ANKRD30BL: variants seen among roughly 807,000 people sequenced by gnomAD.
ANKRD30BL encodes ankyrin repeat domain 30B like.
A neutral mutation model predicts 18.4 loss-of-function variants in ANKRD30BL; 20 were observed. The observed-to-expected ratio is 1.09, with a 90% CI of 0.77 to 1.58. The LOEUF (loss-of-function observed/expected upper bound fraction) is 1.58. ANKRD30BL is among the 40% of genes most tolerant of loss of function. The probability of loss-of-function intolerance (pLI) is 0.00; values close to 1 mark genes in which losing one functional copy is unlikely to be tolerated. For synonymous variants in ANKRD30BL, 72 were observed against 100.9 expected, an observed-to-expected ratio of 0.71 and a Z score of 1.72; for missense variants, 224 against 268.6, an observed-to-expected ratio of 0.83 and a Z score of 1.16.
chr2:132,152,516 G>A (rs574545649), intron 4 of ANKRD30BL: 1 of 152,272 alleles, frequency 6.6e-6, no homozygotes, highest in Admixed American at 6.5e-5. Context: ...AGTAGCATGG[G>A]AGATTTTTAC....
chr2:132,247,311 G>A (rs2104804500), intron 1 of ANKRD30BL, among the ~76,000 whole-genome samples: 1 of 151,928 alleles, frequency 6.6e-6, no homozygotes, highest in East Asian at 1.9e-4. Flanking sequence ...TGGTCAAAAA[G>A]GAAATATCTT....
chr2:132,221,029 T>C (rs1679661158), intron 1 of ANKRD30BL, among the ~76,000 whole-genome samples: 1 of 143,098 alleles, frequency 7.0e-6, no homozygotes, highest in Non-Finnish European at 1.5e-5. Flanking sequence ...GTCTGGGATG[T>C]GAGGAGCGCC....
chr2:132,193,618 G>A (rs1324258428), intron 1 of ANKRD30BL, among the ~76,000 whole-genome samples: 2 of 152,190 alleles, frequency 1.3e-5, no homozygotes, highest in African/African-American at 2.4e-5. Flanking sequence ...GACTCATGGA[G>A]CCCTGGAGAA....
chr2:132,198,255 CCTTCTTTCTTTCTTTT>C (rs1220709449), intron 1 of ANKRD30BL, among the ~76,000 whole-genome samples: 65 of 138,244 alleles, frequency 4.7e-4, no homozygotes, highest in African/African-American at 1.9e-3. Flanking sequence ...ATTTACTATA[CCTTCTTTCTTTCTTTT>C]CTTTCTTTCT....
chr2:132,175,107 A>T (rs917033664), intron 1 of ANKRD30BL, among the ~76,000 whole-genome samples: 3 of 152,224 alleles, frequency 2.0e-5, no homozygotes, highest in Non-Finnish European at 2.9e-5. Context: ...ACACAGAGTC[A>T]AAGTATAGAG....
intron 1 of ANKRD30BL, among the ~76,000 whole-genome samples, chr2:132,182,881 CAGAT>C (rs1688495933): frequency 6.6e-6 from 1 of 151,916 alleles, no homozygotes; most frequent in Non-Finnish European, 1.5e-5. Flanking sequence ...AGAACCCCGA[CAGAT>C]AAATTAATAT....
chr2:132,256,624 C>T (rs75501208), intron 1 of ANKRD30BL, among the ~76,000 whole-genome samples: 1 of 152,322 alleles, frequency 6.6e-6, no homozygotes, highest in South Asian at 2.1e-4. Flanking sequence ...TGCGGCTTCC[C>T]CACCGCCGCC....
intron 1 of ANKRD30BL, among the ~76,000 whole-genome samples, chr2:132,157,828 C>T (rs1687951841): frequency 6.6e-6 from 1 of 152,158 alleles, no homozygotes; most frequent in African/African-American, 2.4e-5. Context: ...GCACATGTAA[C>T]AGCTCAGTAA....
chr2:132,193,232 C>A (rs1047457759), intron 1 of ANKRD30BL, among the ~76,000 whole-genome samples: 3 of 152,202 alleles, frequency 2.0e-5, no homozygotes, highest in Non-Finnish European at 4.4e-5. Flanking sequence ...ATGGACGATA[C>A]ATATGGGCCC....
intron 1 of ANKRD30BL, among the ~76,000 whole-genome samples, chr2:132,187,453 C>A (rs187625245): frequency 0.011 from 1,694 of 150,898 alleles, 35 homozygotes; most frequent in African/African-American, 0.038. Flanking sequence ...TAGCTGGGAC[C>A]ACAGGCGCCC....
In ANKRD30BL at chr2:132,220,981, C is replaced by T. The variant is rs1438325669; in HGVS notation, n.441+36548G>A. On this transcript the variant is annotated intron_variant and non_coding_transcript_variant, in intron 1 of 4. Transcript: ENST00000470729. ...GGAGCGTCTCTGCCCGGCCGCCCAT[C>T]GTCTGAGAGGTGGGGAGCACCTCTG... Among the ~76,000 whole-genome samples the T allele has an allele frequency of 2.8e-4, 43 of 151,106 alleles. No individual in the cohort carries two copies. The East Asian group carries it at 4.6e-3, about 16-fold the overall frequency.
At chr2:132,235,871 G>A (rs180956012) in intron 1 of ANKRD30BL, among the ~76,000 whole-genome samples, 1,963 of 152,096 alleles carry the variant, frequency 0.013, 44 homozygotes, top group African/African-American at 0.043. Context: ...AAAAGAGCCC[G>A]CATCACCAAG....
At chr2:132,175,241 G>A (rs1441502772) in intron 1 of ANKRD30BL, among the ~76,000 whole-genome samples, 1 of 151,682 alleles carries the variant, frequency 6.6e-6, no homozygotes, top group African/African-American at 2.4e-5. Flanking sequence ...TGCAGTAGGA[G>A]AGCAGGGTGA....
chr2:132,226,487 G>C (rs1373042570), intron 1 of ANKRD30BL, among the ~76,000 whole-genome samples: 1 of 151,510 alleles, frequency 6.6e-6, no homozygotes, highest in South Asian at 2.1e-4. Context: ...TGGGCATTAG[G>C]AGCACTTTGC....
chr2:132,248,471 C>T (rs1051050908), intron 1 of ANKRD30BL, among the ~76,000 whole-genome samples: 5 of 151,598 alleles, frequency 3.3e-5, no homozygotes, highest in Admixed American at 1.3e-4. Context: ...CCTATCAAAG[C>T]GCTCAAAATA....
chr2:132,229,115 T>A (rs138026220), intron 1 of ANKRD30BL, among the ~76,000 whole-genome samples: 1 of 152,050 alleles, frequency 6.6e-6, no homozygotes, highest in Non-Finnish European at 1.5e-5. Flanking sequence ...AATATCTTCA[T>A]GTAAAAAGTA....
chr2:132,204,962 T>A (rs975185176), intron 1 of ANKRD30BL, among the ~76,000 whole-genome samples: 2 of 151,884 alleles, frequency 1.3e-5, no homozygotes, highest in Non-Finnish European at 2.9e-5. Context: ...AAATCAAACA[T>A]CAAAGGAAAT....
chr2:132,176,480 A>C (rs7580782), intron 1 of ANKRD30BL, among the ~76,000 whole-genome samples: 1 of 151,866 alleles, frequency 6.6e-6, no homozygotes, highest in Non-Finnish European at 1.5e-5. Context: ...GCATGGTGGC[A>C]CATGCCTGCA....
chr2:132,252,749 C>T (rs773858726), intron 1 of ANKRD30BL, among the ~76,000 whole-genome samples: 2 of 151,916 alleles, frequency 1.3e-5, no homozygotes, highest in African/African-American at 2.4e-5. Flanking sequence ...CCACCACCGA[C>T]GACGTGAGAC....
Sources: allele counts gnomAD v4.1 joint callset (sites outside exome capture counted in the v4.1 genomes callset), GRCh38; gene constraint gnomAD v4.1.1; transcripts MANE v1.5; gene names NCBI Gene and HGNC (gene_info 2026-07-23, HGNC 2026-07-21).